The following SLC19A1 variants were observed in gnomAD, a reference collection of about 807,000 sequenced individuals.
The protein encoded by SLC19A1 is solute carrier family 19 member 1.
Under a neutral mutation model 35.3 loss-of-function variants are expected in SLC19A1, and 37 were observed. That is an observed-to-expected ratio of 1.05 (90% CI 0.81 to 1.38). SLC19A1 has a LOEUF of 1.38. SLC19A1 is among the 40% of genes most tolerant of loss of function. The pLI, the probability that SLC19A1 is intolerant of heterozygous loss-of-function variation, is 0.00. For missense variants in SLC19A1, 831 were observed against 826.9 expected (o/e 1.00, Z -0.06); for synonymous variants, 460 against 398.5 (o/e 1.15, Z -1.84).
chr21:45,505,770 T>G (rs2037164004), intron 3 of SLC19A1: 2 of 1,239,398 alleles, frequency 1.6e-6, no homozygotes, highest in African/African-American at 1.5e-5. Context: ...AAACGGGCAT[T>G]CCTTCCTTCC....
At chr21:45,509,623 G>C (rs1486678106), downstream of SLC19A1, 1 of 1,329,352 alleles carries the variant, frequency 7.5e-7, no homozygotes, top group African/African-American at 1.4e-5. Flanking sequence ...CCCAAAGTGG[G>C]CTTGGCTCCA....
At chr21:45,508,478 AGTGGATGGGTGG>A (rs940752021), downstream of SLC19A1, among the ~76,000 whole-genome samples, 4 of 137,626 alleles carry the variant, frequency 2.9e-5, no homozygotes, top group Admixed American at 7.0e-5. Flanking sequence ...CAGGTGGGTG[AGTGGATGGGTGG>A]GTGGATGGAT....
At position 45,558,398 on chromosome 21, in the gene SLC19A1, G is replaced by A. The variant is rs117646480; in HGVS notation, c.-50+4344C>T. The stretch of plus-strand genomic sequence containing the variant: ...GGGCCCTTCAATCTTTGAAGGATTC[G>A]CCCCATTGTCACTGCAGTGAGACCC... On this transcript the variant is annotated intron_variant, in intron 1 of 5. Coordinates refer to the SLC19A1 transcript ENST00000650808. Among the ~76,000 whole-genome samples the A allele has an allele frequency of 7.2e-4, 109 of 152,320 alleles. No individual in the cohort carries two copies. The East Asian group carries it at 0.018, about 26-fold the overall frequency.
chr21:45,531,908 C>A lies in SLC19A1; in HGVS notation c.430G>T (p.Val144Leu), dbSNP rs773977670. ...IAYSSYIFSL[V>L]RPARYQRVAG... ...ACACGCTGGTAGCGCGCGGGCCGCACGAGAGAGAAGATGTAGGAGGAATAG... is the reference window on the plus strand; with the variant it reads ...ACACGCTGGTAGCGCGCGGGCCGCAAGAGAGAGAAGATGTAGGAGGAATAG... Residue 144 changes from valine to leucine, a missense_variant, in exon 3 of 6, where the codon GTG (valine) becomes TTG (leucine). Val to Leu is a conservative substitution (Grantham distance 32). Transcript: ENST00000311124. The A allele has an allele frequency of 6.3e-7, 1 of 1,592,740 alleles. No homozygotes were observed. The highest frequency in any genetic ancestry group is 2.3e-5 in the East Asian group (1 of 43,512).
At chr21:45,511,231 GT>G (rs1470967399), downstream of SLC19A1, 1 of 1,509,144 alleles carries the variant, frequency 6.6e-7, no homozygotes, top group Admixed American at 1.8e-5. Context: ...CACCTGGTAG[GT>G]TCCCAGTGCC....
Position 45,515,893 on chromosome 21 carries a change from G to C in SLC19A1, c.1541C>G (p.Ala514Gly). ...GTCGCTCTGTCTCTGCTCCAGGGAG[G>C]CTGGCCCCACAGCCCCCAGGCTGTC... ...PEDSLGAVGP[A>G]SLEQRQSDPY... The change falls in exon 6 of 6, where the codon GCC becomes GGC. Residue 514 changes from alanine to glycine, a missense_variant. Ala to Gly is a moderately conservative substitution (Grantham distance 60, BLOSUM62 0). Coordinates refer to ENST00000311124, the MANE Select transcript of SLC19A1 (RefSeq NM_194255.4). The C allele has an allele frequency of 1.9e-6, 3 of 1,559,984 alleles. No homozygotes were observed. The highest frequency in any genetic ancestry group is 2.6e-6 in the Non-Finnish European group (3 of 1,153,002).
In SLC19A1 at chr21:45,517,249, G is replaced by A. The variant is rs1424313912; in HGVS notation, c.1294-1109C>T. 6.6e-6 allele frequency among the ~76,000 whole-genome samples: 1 copy of A among 152,148 alleles called. No individual in the cohort carries two copies. The highest frequency in any genetic ancestry group is 1.5e-5 in the Non-Finnish European group (1 of 68,020). ...GAGCCCATGGAAGCAGCTCTCTCTGGCCTAAGACCCAGGGAAGGGTCAGCC... is the reference window on the plus strand; with the variant it reads ...GAGCCCATGGAAGCAGCTCTCTCTGACCTAAGACCCAGGGAAGGGTCAGCC... On this transcript the variant is annotated intron_variant, in intron 5 of 5. Transcript: ENST00000311124. The surrounding 1 kb of genome is among the most constrained non-coding windows in gnomAD (Gnocchi z 4.4).
downstream of SLC19A1, chr21:45,511,178 C>T (rs763990411): frequency 2.7e-5 from 44 of 1,601,164 alleles, no homozygotes; most frequent in Admixed American, 4.8e-4. Context: ...AAGCCCGGGG[C>T]ACGCATCTTC....
chr21:45,531,439 T>C lies in SLC19A1; in HGVS notation c.899A>G (p.Asn300Ser). 1.9e-6 allele frequency: 3 copies of C among 1,611,078 alleles called. No individual in the cohort carries two copies. Among genetic ancestry groups the C allele is most frequent in the Non-Finnish European group, 2.5e-6 (3 of 1,178,818 alleles). Residue 300 changes from asparagine to serine, a missense_variant, in exon 3 of 6, where the codon AAC becomes AGC. Transcript: ENST00000311124. ...CGCGCCGTTGTAGACCCGCGCACTG[T>C]TGGTGGTGGGGTCCACCTCGTTCCA... Reference protein sequence around the residue: ...ILWNEVDPTTNSARVYNGAAD... With the variant: ...ILWNEVDPTTSSARVYNGAAD...
Position 45,525,927 on chromosome 21 carries a change from G to T in SLC19A1, c.1183C>A (p.Leu395Ile). The T allele has an allele frequency of 6.2e-7, 1 of 1,613,614 alleles. No individual in the cohort carries two copies. The highest frequency in any genetic ancestry group is 8.5e-7 in the Non-Finnish European group (1 of 1,179,948). Reference protein sequence around the residue: ...FQIASSLSKELCALVFGVNTF... With the variant: ...FQIASSLSKEICALVFGVNTF... ...TTGACCCCGAAGACCAGGGCACAGAGCTCTTTAGACAGAGAAGATGCAATC... is the reference window on the plus strand; with the variant it reads ...TTGACCCCGAAGACCAGGGCACAGATCTCTTTAGACAGAGAAGATGCAATC... Residue 395 changes from leucine (L) to isoleucine (I), a missense_variant, in exon 5 of 6, where the codon CTC (leucine) becomes ATC (isoleucine). Coordinates refer to ENST00000311124, the MANE Select transcript of SLC19A1 (RefSeq NM_194255.4).
downstream of SLC19A1, chr21:45,509,415 C>T (rs1242867036): frequency 3.2e-6 from 5 of 1,540,388 alleles, no homozygotes; most frequent in Non-Finnish European, 2.6e-6. Context: ...GCAACCCCTA[C>T]CCGCGGCGGG....
At position 45,515,080 on chromosome 21, in the gene SLC19A1, A is replaced by G. The variant is rs1467281031; in HGVS notation, c.*578T>C. 1 of 1,546,216 alleles carries G rather than the reference A, an allele frequency of 6.5e-7. No individual in the cohort carries two copies. The highest frequency in any genetic ancestry group is 1.2e-5 in the South Asian group (1 of 83,274). On this transcript the variant is annotated 3_prime_UTR_variant, in exon 6 of 6. Coordinates refer to ENST00000311124, the MANE Select transcript of SLC19A1 (RefSeq NM_194255.4). ...GGACCAGAGCCGCTGCTCCCCTCTG[A>G]TGACAATGTGTCTGCCGCCAACCTG... is the stretch of plus-strand genomic sequence containing the variant.
chr21:45,505,976 CTGTG>C, intron 3 of SLC19A1: 1 of 1,613,042 alleles, frequency 6.2e-7, no homozygotes. Context: ...GGTGAGCGCT[CTGTG>C]TGACGGGTTC....
At chr21:45,544,693 G>A (rs559143155), upstream of SLC19A1, among the ~76,000 whole-genome samples, 74 of 151,444 alleles carry the variant, frequency 4.9e-4, no homozygotes, top group Non-Finnish European at 8.7e-4. Flanking sequence ...CCTCCAGCCT[G>A]TAGGCTCCAG....
upstream of SLC19A1, among the ~76,000 whole-genome samples, chr21:45,544,989 G>C (rs1001313279): frequency 6.6e-6 from 1 of 152,250 alleles, no homozygotes; most frequent in Non-Finnish European, 1.5e-5. Context: ...AGCATAGGGA[G>C]GCAGTGGCAT....
rs2037856262 is a variant in SLC19A1 at position 45,515,435 on chromosome 21, C to T, written c.*223G>A. The T allele has an allele frequency of 1.4e-6, 2 of 1,453,606 alleles. No homozygotes were observed. The highest frequency in any genetic ancestry group is 1.8e-6 in the Non-Finnish European group (2 of 1,112,976). The allele number at this position is 1,453,606 out of a possible 1,614,324, so 90.0% of individuals were successfully genotyped here. A position where few individuals can be genotyped will look rare whatever the true frequency, so the allele number is the denominator to read the frequency against. Reference sequence around the variant, plus strand: ...CACCCACCTCTTCCAGCAACAAAGCCCGCGGGGCACAGTGCAGGGACAGCA... The same window carrying T: ...CACCCACCTCTTCCAGCAACAAAGCTCGCGGGGCACAGTGCAGGGACAGCA... On this transcript the variant is annotated 3_prime_UTR_variant, in exon 6 of 6. Transcript: ENST00000311124.
intron 5 of SLC19A1, among the ~76,000 whole-genome samples, chr21:45,519,863 A>G (rs918758475): frequency 6.6e-6 from 1 of 152,214 alleles, no homozygotes; most frequent in Non-Finnish European, 1.5e-5. Flanking sequence ...ATCAGCCAAC[A>G]GGATCTGATC....
chr21:45,558,397 C>A (rs773710446), intron 1 of SLC19A1, among the ~76,000 whole-genome samples: 1 of 152,182 alleles, frequency 6.6e-6, no homozygotes, highest in African/African-American at 2.4e-5. Flanking sequence ...TTGAAGGATT[C>A]GCCCCATTGT....
chr21:45,511,148 C>T, downstream of SLC19A1: 1 of 1,598,342 alleles, frequency 6.3e-7, no homozygotes, highest in Non-Finnish European at 8.5e-7. Context: ...GCTCTGTTCT[C>T]AGGCTCTGAG....
Sources: allele counts gnomAD v4.1 joint callset (sites outside exome capture counted in the v4.1 genomes callset), GRCh38; gene constraint gnomAD v4.1.1; non-coding constraint Gnocchi (gnomAD v3.1); transcripts MANE v1.5; gene names NCBI Gene and HGNC (gene_info 2026-07-23, HGNC 2026-07-21).